Variants in PRMT3 observed in about 807,000 individuals in gnomAD.
PRMT3 encodes the protein protein arginine N-methyltransferase 3.
A neutral mutation model predicts 71.9 loss-of-function variants in PRMT3; 62 were observed. The ratio of observed to expected loss-of-function variants is 0.86; its 90% CI spans 0.70 to 1.07. PRMT3 has a LOEUF of 1.07. PRMT3 is among the 50% of genes least tolerant of loss of function. The probability of loss-of-function intolerance (pLI) is 0.00; values close to 1 mark genes in which losing one functional copy is unlikely to be tolerated. For missense variants in PRMT3, 663 were observed against 643.0 expected (o/e 1.03, Z -0.34); for synonymous variants, 213 against 220.4 (o/e 0.97, Z 0.30).
At chr11:20,405,248 G>A (rs1241278699) in intron 8 of PRMT3, among the ~76,000 whole-genome samples, 1 of 151,928 alleles carries the variant, frequency 6.6e-6, no homozygotes, top group East Asian at 1.9e-4. Context: ...TCTGTTTGTA[G>A]TTTATTGAAG....
intron 8 of PRMT3, chr11:20,406,239 G>A (rs1849067250): frequency 6.6e-6 from 1 of 152,204 alleles, no homozygotes; most frequent in Non-Finnish European, 1.5e-5. Context: ...TACAATGTAA[G>A]TGCTATATAA....
chr11:20,444,971 T>G (rs1197815865), intron 10 of PRMT3, among the ~76,000 whole-genome samples: 4 of 152,112 alleles, frequency 2.6e-5, no homozygotes, highest in Non-Finnish European at 4.4e-5. Flanking sequence ...TTCTTTATCA[T>G]TATGAAGTAT....
At chr11:20,426,465 C>T (rs1049698104) in intron 9 of PRMT3, among the ~76,000 whole-genome samples, 1 of 152,156 alleles carries the variant, frequency 6.6e-6, no homozygotes, top group Admixed American at 6.5e-5. Flanking sequence ...GTCTTCACCA[C>T]TGTGTTGTTT....
At chr11:20,392,109 C>G in intron 3 of PRMT3, 102 bp from the exon 4 acceptor site, 1 of 1,146,586 alleles carries the variant, frequency 8.7e-7, no homozygotes, top group East Asian at 2.7e-5. Flanking sequence ...ATTTAGAGGT[C>G]AGAATTATTT....
chr11:20,411,944 T>TGTTA (rs1849202335), intron 9 of PRMT3, among the ~76,000 whole-genome samples: 1 of 152,144 alleles, frequency 6.6e-6, no homozygotes, highest in Non-Finnish European at 1.5e-5. Flanking sequence ...TGTATCCACA[T>TGTTA]AAGACTTGTT....
intron 13 of PRMT3, among the ~76,000 whole-genome samples, chr11:20,483,185 A>T (rs1850983683): frequency 6.6e-6 from 1 of 152,096 alleles, no homozygotes; most frequent in Non-Finnish European, 1.5e-5. Context: ...TAGACACAAA[A>T]ATTAGTTTTA....
At position 20,412,404 on chromosome 11, in the gene PRMT3, C is replaced by A. The variant is rs961930577; in HGVS notation, c.893+4372C>A. Reference sequence around the variant, plus strand: ...AACAGCTATGTAGTCTGAACCCCCCCCCCACCTTTGTTTTGAAGTATCAGA... The same window carrying A: ...AACAGCTATGTAGTCTGAACCCCCCACCCACCTTTGTTTTGAAGTATCAGA... On this transcript the variant is annotated intron_variant, in intron 9 of 15. Coordinates refer to ENST00000331079, the MANE Select transcript of PRMT3 (RefSeq NM_005788.4). 4.6e-3 allele frequency among the ~76,000 whole-genome samples: 706 copies of A among 152,126 alleles called. 5 individuals carry two copies. The highest frequency in any genetic ancestry group is 0.016 in the African/African-American group (670 of 41,496).
At chr11:20,464,920 ATTTTATG>A (rs1321468082) in intron 13 of PRMT3, among the ~76,000 whole-genome samples, 1 of 152,140 alleles carries the variant, frequency 6.6e-6, no homozygotes, top group African/African-American at 2.4e-5. Flanking sequence ...TTGGTAGAAT[ATTTTATG>A]TTTTATATTT....
chr11:20,504,747 C>CGA (rs1260559397), intron 15 of PRMT3, among the ~76,000 whole-genome samples: 3 of 111,066 alleles, frequency 2.7e-5, no homozygotes, highest in African/African-American at 1.0e-4. Flanking sequence ...AGAGAGAGAG[C>CGA]GAGAGCGACT....
At chr11:20,497,644 A>T (rs1345628625) in intron 15 of PRMT3, among the ~76,000 whole-genome samples, 2 of 152,172 alleles carry the variant, frequency 1.3e-5, no homozygotes, top group Non-Finnish European at 2.9e-5. Context: ...GCTCAAAAAG[A>T]TCTATAGGAA....
At chr11:20,399,810 C>T (rs1848910250) in intron 7 of PRMT3, among the ~76,000 whole-genome samples, 1 of 152,302 alleles carries the variant, frequency 6.6e-6, no homozygotes, top group East Asian at 1.9e-4. Flanking sequence ...TGCTCTGGTA[C>T]GTTTAACTCC....
chr11:20,459,666 G>A (rs1289890402), intron 11 of PRMT3, among the ~76,000 whole-genome samples: 1 of 152,182 alleles, frequency 6.6e-6, no homozygotes, highest in African/African-American at 2.4e-5. Context: ...AGGGCATAAT[G>A]TGGGAAAGCT....
At chr11:20,407,607 TTTCAACAAC>T in intron 8 of PRMT3, 1 of 196,290 alleles carries the variant, frequency 5.1e-6, no homozygotes, top group Non-Finnish European at 1.1e-5. Flanking sequence ...AGTAGTAGCC[TTTCAACAAC>T]TTTATTTCTT....
At chr11:20,430,457 TAAGAA>T (rs1849631987) in intron 10 of PRMT3, among the ~76,000 whole-genome samples, 4 of 152,190 alleles carry the variant, frequency 2.6e-5, no homozygotes, top group African/African-American at 9.6e-5. Context: ...TTTTTCTAGA[TAAGAA>T]TGTAATTTTA....
chr11:20,491,017 G>T (rs951983591), intron 13 of PRMT3, among the ~76,000 whole-genome samples: 4 of 151,686 alleles, frequency 2.6e-5, no homozygotes, highest in African/African-American at 7.3e-5. Flanking sequence ...AGATCTATAG[G>T]TCTCCAAGGT....
intron 10 of PRMT3, among the ~76,000 whole-genome samples, chr11:20,432,819 T>C (rs1849683162): frequency 6.6e-6 from 1 of 152,208 alleles, no homozygotes; most frequent in Admixed American, 6.5e-5. Flanking sequence ...TTGAGCATTT[T>C]TTAATATACC....
At chr11:20,508,113 G>A (rs574105344) in intron 15 of PRMT3, among the ~76,000 whole-genome samples, 191 bp from the exon 16 acceptor site, 7 of 137,520 alleles carry the variant, frequency 5.1e-5, no homozygotes, top group South Asian at 2.3e-4. Flanking sequence ...TCACACCACC[G>A]CACTCCAGCC....
At chr11:20,477,814 C>CCG (rs1454833415) in intron 13 of PRMT3, among the ~76,000 whole-genome samples, 2 of 122,730 alleles carry the variant, frequency 1.6e-5, no homozygotes, top group African/African-American at 3.0e-5. Flanking sequence ...CCCCCCCCCC[C>CCG]ACTTCCTGTT....
rs1418869023 is a variant in PRMT3, at chr11:20,404,225, T to G, written c.771+1241T>G. ...GACTTTTCATAGTTTTTTTTTTTTT[T>G]TTTTTTTTTTTTTTTTTTTTTTTTT... On this transcript the variant is annotated intron_variant, in intron 8 of 15. Coordinates refer to ENST00000331079, the MANE Select transcript of PRMT3 (RefSeq NM_005788.4). 6.6e-3 allele frequency among the ~76,000 whole-genome samples: 639 copies of G among 97,216 alleles called. 13 individuals carry two copies. Among genetic ancestry groups the G allele is most frequent in the East Asian group, 0.013 (48 of 3,556 alleles). The allele number at this position is 97,216 out of a possible 152,430, so 63.8% of individuals were successfully genotyped here. A position where few individuals can be genotyped will look rare whatever the true frequency, so the allele number is the denominator to read the frequency against.
Sources: allele counts gnomAD v4.1 joint callset (sites outside exome capture counted in the v4.1 genomes callset), GRCh38; gene constraint gnomAD v4.1.1; transcripts MANE v1.5; gene names NCBI Gene and HGNC (gene_info 2026-07-23, HGNC 2026-07-21).